CALCOCO1: variants seen among roughly 807,000 people sequenced by gnomAD.
CALCOCO1 encodes the protein calcium-binding and coiled-coil domain-containing protein 1.
A neutral mutation model predicts 86.3 loss-of-function variants in CALCOCO1; 44 were observed. The observed-to-expected ratio is 0.51, with a 90% CI of 0.40 to 0.66. The LOEUF (loss-of-function observed/expected upper bound fraction) is 0.66. CALCOCO1 is among the 30% of genes least tolerant of loss of function. The pLI, the probability that CALCOCO1 is intolerant of heterozygous loss-of-function variation, is 0.00. For missense variants in CALCOCO1, 708 were observed against 851.1 expected (o/e 0.83, Z 2.09); for synonymous variants, 297 against 327.6 (o/e 0.91, Z 1.01).
At chr12:53,727,279 G>A (rs534165368) in intron 1 of CALCOCO1, 125 bp downstream of exon 1, 1 of 152,168 alleles carries the variant, frequency 6.6e-6, no homozygotes, top group Non-Finnish European at 1.5e-5. Flanking sequence ...GTACGGAAAG[G>A]GTTACAACCC....
rs543050510 is a variant in CALCOCO1 at position 53,709,032 on chromosome 12, C to T, written c.*2912G>A. On this transcript the variant is annotated 3_prime_UTR_variant, in exon 15 of 15. Transcript: ENST00000550804. ...TAGGTAACAGGTGGCCATTGAGGTT[C>T]GATAAGTGGGGGAGTGGTGTGTTTG... The T allele has an allele frequency of 2.0e-5, 3 of 152,274 alleles. No homozygotes were observed. The highest frequency in any genetic ancestry group is 1.3e-4 in the Admixed American group (2 of 15,292). 9.4% of individuals were successfully genotyped at this position (152,274 alleles called of 1,614,324 possible).
At chr12:53,714,573 C>A (rs377023980) in intron 11 of CALCOCO1, 25 bp downstream of exon 11, 1 of 1,580,510 alleles carries the variant, frequency 6.3e-7, no homozygotes, top group Admixed American at 1.7e-5. Context: ...GTGGCATCCA[C>A]GGGGCCTGGG....
At chr12:53,712,617 A>G (rs1420212288) in intron 14 of CALCOCO1, 1 of 292,928 alleles carries the variant, frequency 3.4e-6, no homozygotes, top group Non-Finnish European at 6.5e-6. Context: ...CCCCACCTCT[A>G]TAGGTTCCCT....
chr12:53,714,171 T>A lies in CALCOCO1; in HGVS notation c.1553A>T (p.Asp518Val). ...GGCCTCCTCATCCTCTGTGGTGGCA[T>A]CCTCATTCCACTTCTCATCTGCCAC... The part of the protein sequence containing the change: ...EKVADEKWNE[D>V]ATTEDEEAAV... The change falls in exon 12 of 15, where the codon GAT becomes GTT. Residue 518 changes from aspartate to valine, a missense_variant. Asp to Val is a radical substitution (Grantham distance 152). Coordinates refer to ENST00000550804, the MANE Select transcript of CALCOCO1 (RefSeq NM_020898.3). 4 of 1,613,616 alleles carry A rather than the reference T, an allele frequency of 2.5e-6. No individual in the cohort carries two copies. The highest frequency in any genetic ancestry group is 3.4e-6 in the Non-Finnish European group (4 of 1,179,950).
intron 1 of CALCOCO1, among the ~76,000 whole-genome samples, chr12:53,726,891 A>T (rs1946048434): frequency 6.6e-6 from 1 of 152,136 alleles, no homozygotes. Context: ...TCATGTCCGA[A>T]AGAAAGTTTT....
In CALCOCO1 at chr12:53,724,551, T is replaced by C. The variant is rs952272245; in HGVS notation, c.259+94A>G. ...TTTTCGTTTATTTTTCCTTGTCCTT[T>C]GTGCCTAACTTTTAATGTTTCTGAG... On this transcript the variant is annotated intron_variant, in intron 3 of 14. Coordinates refer to ENST00000550804, the MANE Select transcript of CALCOCO1 (RefSeq NM_020898.3). 11 of 870,338 alleles carry C rather than the reference T, an allele frequency of 1.3e-5. No homozygotes were observed. The African/African-American group carries it at 1.3e-4, about 11-fold the overall frequency. 53.9% of individuals were successfully genotyped at this position (870,338 alleles called of 1,614,324 possible).
intron 4 of CALCOCO1, chr12:53,723,005 C>T (rs1945922288): frequency 5.5e-6 from 2 of 360,840 alleles, no homozygotes; most frequent in Admixed American, 7.6e-5. Flanking sequence ...ACAAAAAAAC[C>T]CCAAACAGTA....
rs777022945 is a variant in CALCOCO1, at chr12:53,721,453, T to C, written c.758+14A>G. On this transcript the variant is annotated intron_variant, in intron 6 of 14. Transcript: ENST00000550804. Reference sequence around the variant, plus strand: ...AAGGGAGAGGAAGTGACGGGGTCAGTGGACTCCCCTCACCTGTCCAGCTCC... The same window carrying C: ...AAGGGAGAGGAAGTGACGGGGTCAGCGGACTCCCCTCACCTGTCCAGCTCC... 2 of 1,587,422 alleles carry C rather than the reference T, an allele frequency of 1.3e-6. No homozygotes were observed. Among genetic ancestry groups the C allele is most frequent in the East Asian group, 4.5e-5 (2 of 44,066 alleles).
intron 7 of CALCOCO1, 41 bp from the exon 8 acceptor site, chr12:53,716,456 G>A (rs988352717): frequency 2.5e-6 from 4 of 1,611,372 alleles, no homozygotes; most frequent in African/African-American, 1.3e-5. Flanking sequence ...GGGTATGTGT[G>A]TTGGGGTGGC....
chr12:53,725,155 C>T lies in CALCOCO1; in HGVS notation c.88G>A (p.Val30Met), dbSNP rs754454030. 1 of 1,613,414 alleles carries T rather than the reference C, an allele frequency of 6.2e-7. No homozygotes were observed. The highest frequency in any genetic ancestry group is 1.1e-5 in the South Asian group (1 of 90,960). Residue 30 changes from valine to methionine, a missense_variant, in exon 2 of 15, where the codon GTG becomes ATG. Val to Met is a conservative substitution (Grantham distance 21, BLOSUM62 1). Transcript: ENST00000550804. ...GGGGGAAGGGTGTAGTGACATTCCACCTTGGTGTTGGGGATGTAGGTCCGG... is the reference window on the plus strand; with the variant it reads ...GGGGGAAGGGTGTAGTGACATTCCATCTTGGTGTTGGGGATGTAGGTCCGG... ...VARTYIPNTK[V>M]ECHYTLPPGT...
In CALCOCO1 at chr12:53,711,435, CTG is replaced by C. The variant is rs1945547597; in HGVS notation, c.*507_*508del. ...GGAACAGAAAGAGGAACCAATGAAA[CTG>C]AGAACCAAAAGGGACCTGAGAGGCC... On this transcript the variant is annotated 3_prime_UTR_variant, in exon 15 of 15. Transcript: ENST00000550804. 1 of 380,594 alleles carries C rather than the reference CTG, an allele frequency of 2.6e-6. No individual in the cohort carries two copies. The highest frequency in any genetic ancestry group is 4.6e-6 in the Non-Finnish European group (1 of 215,546). 23.6% of individuals were successfully genotyped at this position (380,594 alleles called of 1,614,324 possible). A position where few individuals can be genotyped will look rare whatever the true frequency, so the allele number is the denominator to read the frequency against.
chr12:53,726,593 A>T lies in CALCOCO1; in HGVS notation c.-25+811T>A, dbSNP rs1490687358. ...CCCCCAAACATCACAAACCCACACC[A>T]GGCTGAAGTCCAGGGGACAGGAACT... On this transcript the variant is annotated intron_variant, in intron 1 of 14. Transcript: ENST00000550804. Among the ~76,000 whole-genome samples, 4 of 152,200 alleles carry T rather than the reference A, an allele frequency of 2.6e-5. No homozygotes were observed. In the South Asian group the frequency reaches 6.2e-4, roughly 24 times the overall value.
At chr12:53,716,178 C>T in intron 8 of CALCOCO1, 82 bp downstream of exon 8, 1 of 1,588,940 alleles carries the variant, frequency 6.3e-7, no homozygotes, top group Non-Finnish European at 8.6e-7. Flanking sequence ...CCATGTCTCT[C>T]CCCTTCTCTT....
rs1400461936 is a variant in CALCOCO1, at chr12:53,715,203, G to A, written c.1383C>T (p.Ser461=). 15 of 1,614,092 alleles carry A rather than the reference G, an allele frequency of 9.3e-6. No individual in the cohort carries two copies. Among genetic ancestry groups the A allele is most frequent in the Non-Finnish European group, 1.3e-5 (15 of 1,179,988 alleles). Residue 461 remains serine, a synonymous_variant, in exon 10 of 15, where the codon AGC becomes AGT. Transcript: ENST00000550804. ...KTELAREKDS[S]LVQLSESKRE... is the part of the protein sequence containing the mutation. ...CCTTGGTGGCTGGATGCCTCACCAGGCTAGAATCCTTCTCCCGGGCCAGCT... is the reference window on the plus strand; with the variant it reads ...CCTTGGTGGCTGGATGCCTCACCAGACTAGAATCCTTCTCCCGGGCCAGCT...
Position 53,713,903 on chromosome 12 carries a change from G to A in CALCOCO1, c.1592-3C>T. On this transcript the variant is annotated splice_polypyrimidine_tract_variant and splice_region_variant and intron_variant, in intron 12 of 14. Transcript: ENST00000550804. ...GTCTGTCAGAGCTGCCGGGCAGCCT[G>A]TAGGAGATGAAGCAGGCAGAGAAGA... The A allele has an allele frequency of 6.5e-7, 1 of 1,527,396 alleles. No individual in the cohort carries two copies. The highest frequency in any genetic ancestry group is 8.8e-7 in the Non-Finnish European group (1 of 1,137,742). The allele number at this position is 1,527,396 out of a possible 1,614,324, so 94.6% of individuals were successfully genotyped here.
intron 7 of CALCOCO1, among the ~76,000 whole-genome samples, chr12:53,718,420 A>G (rs1037132213): frequency 6.6e-6 from 1 of 152,198 alleles, no homozygotes; most frequent in Non-Finnish European, 1.5e-5. Context: ...TAGTAATAAA[A>G]CATTGTTTTT....
Position 53,715,776 on chromosome 12 carries a change from AC to A in CALCOCO1, c.1260+16del, listed in dbSNP as rs747023977. 12 of 1,605,258 alleles carry A rather than the reference AC, an allele frequency of 7.5e-6. No homozygotes were observed. Among genetic ancestry groups the A allele is most frequent in the East Asian group, 2.2e-5 (1 of 44,780 alleles). On this transcript the variant is annotated intron_variant, in intron 9 of 14. Coordinates refer to ENST00000550804, the MANE Select transcript of CALCOCO1 (RefSeq NM_020898.3). ...GGCAGTGGCCATCAGATTGCCAGGT[AC>A]CCCCCATCCCTCTACCTCCACACTC...
chr12:53,720,281 A>G (rs1945832303), intron 6 of CALCOCO1, among the ~76,000 whole-genome samples: 1 of 152,242 alleles, frequency 6.6e-6, no homozygotes, highest in Non-Finnish European at 1.5e-5. Flanking sequence ...ATTGTAGTGC[A>G]GGACCATCCA....
Position 53,723,752 on chromosome 12 carries a change from G to A in CALCOCO1, c.291C>T (p.Leu97=). The change falls in exon 4 of 15, where the codon CTC becomes CTT. Residue 97 remains leucine, a synonymous_variant. Transcript: ENST00000550804. ...GGCGGTTCACATATCGGAACTGGTA[G>A]AGCTGAGCTCCTGGTTTGGGCAGGT... ...ASYLPKPGAQ[L]YQFRYVNRQG... is the part of the protein sequence containing the mutation. The A allele has an allele frequency of 6.2e-7, 1 of 1,613,972 alleles. No individual in the cohort carries two copies. The highest frequency in any genetic ancestry group is 8.5e-7 in the Non-Finnish European group (1 of 1,179,862).
Sources: allele counts gnomAD v4.1 joint callset (sites outside exome capture counted in the v4.1 genomes callset), GRCh38; gene constraint gnomAD v4.1.1; transcripts MANE v1.5; gene names NCBI Gene and HGNC (gene_info 2026-07-23, HGNC 2026-07-21).